The following ADRA1B variants were observed in gnomAD, a reference collection of about 807,000 sequenced individuals.
ADRA1B encodes the protein adrenoceptor alpha 1B.
ADRA1B carries 17 observed loss-of-function variants against 17.9 expected under a neutral mutation model. The ratio of observed to expected loss-of-function variants is 0.95; its 90% CI spans 0.65 to 1.42. ADRA1B has a LOEUF of 1.42. Among genes scored for constraint, ADRA1B ranks in the 40% most tolerant of loss-of-function variants. The probability of loss-of-function intolerance (pLI) is 0.00; values close to 1 mark genes in which losing one functional copy is unlikely to be tolerated. For missense variants in ADRA1B, 681 were observed against 722.1 expected (o/e 0.94, Z 0.65); for synonymous variants, 366 against 327.6 (o/e 1.12, Z -1.27).
At position 159,939,314 on chromosome 5, in the gene ADRA1B, T is replaced by C. The variant is rs1156598780; in HGVS notation, c.949+21460T>C. Among the ~76,000 whole-genome samples the C allele has an allele frequency of 5.8e-3, 731 of 126,968 alleles. 4 individuals are homozygous for C. Among genetic ancestry groups the C allele is most frequent in the East Asian group, 0.027 (122 of 4,490 alleles). The allele number at this position is 126,968 out of a possible 152,430, so 83.3% of individuals were successfully genotyped here. On this transcript the variant is annotated intron_variant, in intron 1 of 1. Coordinates refer to ENST00000306675, the MANE Select transcript of ADRA1B (RefSeq NM_000679.4). The stretch of plus-strand genomic sequence containing the variant: ...GTGTGTGTGTGTGTGTGTGTGTGTG[T>C]GTGTGTGTGCGCGCGCGCGCGCACA...
At chr5:159,939,520 C>A (rs7726759) in intron 1 of ADRA1B, among the ~76,000 whole-genome samples, 6,920 of 152,030 alleles carry the variant, frequency 0.046, 297 homozygotes, top group East Asian at 0.21. Context: ...TCTAACCTAC[C>A]CCATCTCCCA....
chr5:159,898,796 A>T (rs1396528449), intron 1 of ADRA1B, among the ~76,000 whole-genome samples: 1 of 152,228 alleles, frequency 6.6e-6, no homozygotes, highest in Non-Finnish European at 1.5e-5. Flanking sequence ...TGAGCTACTC[A>T]CTTAAAACAG....
At chr5:159,914,475 A>G (rs1278182844), upstream of ADRA1B, among the ~76,000 whole-genome samples, 1 of 152,134 alleles carries the variant, frequency 6.6e-6, no homozygotes, top group Non-Finnish European at 1.5e-5. Flanking sequence ...ATCACTATAA[A>G]CTTGTGAATC....
intron 1 of ADRA1B, among the ~76,000 whole-genome samples, chr5:159,933,973 T>C (rs373208550): frequency 2.0e-5 from 3 of 151,768 alleles, no homozygotes; most frequent in African/African-American, 7.3e-5. Context: ...GTAGACAGCG[T>C]ATATTTAGAT....
intron 1 of ADRA1B, among the ~76,000 whole-genome samples, chr5:159,945,841 G>C (rs571096895): frequency 3.4e-4 from 51 of 151,178 alleles, no homozygotes; most frequent in African/African-American, 1.2e-3. Context: ...TCCGCCTCCC[G>C]GGTTGACGCC....
At chr5:159,926,680 A>T (rs184971174) in intron 1 of ADRA1B, among the ~76,000 whole-genome samples, 211 of 152,148 alleles carry the variant, frequency 1.4e-3, no homozygotes, top group Non-Finnish European at 2.5e-3. Flanking sequence ...TGAGGTCGGG[A>T]GTTCGAGACC....
rs996867112 is a variant in ADRA1B, at chr5:159,936,072, T to G, written c.949+18218T>G. Among the ~76,000 whole-genome samples the G allele has an allele frequency of 5.3e-5, 8 of 152,240 alleles. 1 individual carries two copies. The highest frequency in any genetic ancestry group is 1.9e-4 in the African/African-American group (8 of 41,470). ...TGCAAAGATGAAATAAGACTCTTCATGTAAATCAGTAGTTCTCAACCAACA... is the reference window on the plus strand; with the variant it reads ...TGCAAAGATGAAATAAGACTCTTCAGGTAAATCAGTAGTTCTCAACCAACA... On this transcript the variant is annotated intron_variant, in intron 1 of 1. Transcript: ENST00000306675.
Position 159,917,030 on chromosome 5 carries a change from T to A in ADRA1B, c.125T>A (p.Ile42Asn). ...SSNSTLPQLD[I>N]TRAISVGLVL... is the part of the protein sequence containing the mutation. ...AACTCCACACTGCCCCAGCTGGACA[T>A]CACCAGGGCCATCTCTGTGGGCCTG... The change falls in exon 1 of 2, where the codon ATC (isoleucine) becomes AAC (asparagine). Residue 42 changes from isoleucine (I) to asparagine (N), a missense_variant. Physicochemically the swap from Ile to Asn is moderately radical, Grantham distance 149. This residue lies in a region of ADRA1B where 424 missense variants were observed against 480.2 expected (regional missense o/e 0.88). Transcript: ENST00000306675. 1 of 1,614,118 alleles carries A rather than the reference T, an allele frequency of 6.2e-7. No homozygotes were observed. Among genetic ancestry groups the A allele is most frequent in the Non-Finnish European group, 8.5e-7 (1 of 1,180,004 alleles).
At chr5:159,927,988 T>C (rs1331872101) in intron 1 of ADRA1B, among the ~76,000 whole-genome samples, 1 of 152,230 alleles carries the variant, frequency 6.6e-6, no homozygotes, top group Non-Finnish European at 1.5e-5. Flanking sequence ...TCATTTATTT[T>C]ACTTGCCGCG....
intron 1 of ADRA1B, among the ~76,000 whole-genome samples, chr5:159,875,516 C>T (rs1327072751): frequency 2.6e-5 from 4 of 152,166 alleles, no homozygotes. Context: ...TATACAGTAT[C>T]TTACTTTAAA....
chr5:159,954,076 C>A, intron 1 of ADRA1B, among the ~76,000 whole-genome samples: 1 of 152,082 alleles, frequency 6.6e-6, no homozygotes, highest in Non-Finnish European at 1.5e-5. Context: ...ACTCCTGGAG[C>A]AAACTGGGAG....
At position 159,917,705 on chromosome 5, in the gene ADRA1B, GTAC is replaced by G. The variant is rs777527602; in HGVS notation, c.801_803del (p.Thr268del). On this transcript the variant is annotated inframe_deletion, in exon 1 of 2. Coordinates refer to ENST00000306675, the MANE Select transcript of ADRA1B (RefSeq NM_000679.4). ...AACTTTCACGAGGACACCCTTAGCA[GTAC>G]CAAGGCCAAGGGCCACAACCCCAGG... The G allele has an allele frequency of 8.4e-5, 136 of 1,613,960 alleles. No homozygotes were observed. Among genetic ancestry groups the G allele is most frequent in the Non-Finnish European group, 1.1e-4 (129 of 1,180,032 alleles).
intron 1 of ADRA1B, among the ~76,000 whole-genome samples, chr5:159,879,321 C>G (rs1324320210): frequency 1.3e-5 from 2 of 152,154 alleles, no homozygotes. Context: ...AACCACAGCT[C>G]TGGAGTGACA....
chr5:159,943,675 T>C lies in ADRA1B; in HGVS notation c.949+25821T>C, dbSNP rs533770289. 1.1e-4 allele frequency among the ~76,000 whole-genome samples: 16 copies of C among 152,206 alleles called. No homozygotes were observed. The South Asian group carries it at 3.1e-3, about 30-fold the overall frequency. ...TTGAGAATACTGTGTGTGACCTACT[T>C]AGGGGATTTCAGGGGTTGGGGAGAG... On this transcript the variant is annotated intron_variant, in intron 1 of 1. Transcript: ENST00000306675.
Position 159,917,616 on chromosome 5 carries a change from A to G in ADRA1B, c.711A>G (p.Leu237=), listed in dbSNP as rs138161802. 1.3e-4 allele frequency: 217 copies of G among 1,613,968 alleles called. No homozygotes were observed. In the African/African-American group the frequency reaches 2.7e-3, roughly 20 times the overall value. ...YIVAKRTTKN[L]EAGVMKEMSN... is the part of the protein sequence containing the mutation. ...TGGCCAAGAGAACCACCAAGAACCT[A>G]GAGGCAGGAGTCATGAAGGAGATGT... Residue 237 remains leucine (L), a synonymous_variant, in exon 1 of 2, where the codon CTA becomes CTG. Transcript: ENST00000306675.
intron 1 of ADRA1B, among the ~76,000 whole-genome samples, chr5:159,926,505 G>A (rs1372459963): frequency 1.3e-5 from 2 of 152,114 alleles, no homozygotes; most frequent in African/African-American, 2.4e-5. Flanking sequence ...TGACCAATAG[G>A]ATTCATACAG....
chr5:159,903,414 T>C (rs78889270), intron 1 of ADRA1B, among the ~76,000 whole-genome samples: 3,197 of 152,272 alleles, frequency 0.021, 47 homozygotes, highest in Non-Finnish European at 0.033. Flanking sequence ...TAGCAAACAA[T>C]TAATAAAAGC....
chr5:159,965,584 G>T (rs562959375), intron 1 of ADRA1B, among the ~76,000 whole-genome samples: 1 of 152,180 alleles, frequency 6.6e-6, no homozygotes, highest in South Asian at 2.1e-4. Flanking sequence ...GTTACTTAAC[G>T]ACAGCTTCTT....
chr5:159,915,347 C>T (rs969604714), upstream of ADRA1B, among the ~76,000 whole-genome samples: 4 of 152,190 alleles, frequency 2.6e-5, no homozygotes, highest in African/African-American at 7.2e-5. Context: ...TATTCTTTCT[C>T]TCATGAGAGT....
Sources: allele counts gnomAD v4.1 joint callset (sites outside exome capture counted in the v4.1 genomes callset), GRCh38; gene constraint gnomAD v4.1.1; regional missense constraint gnomAD v4.1.1; transcripts MANE v1.5; gene names NCBI Gene and HGNC (gene_info 2026-07-23, HGNC 2026-07-21).